Variants in ATAD5 observed in about 807,000 individuals in gnomAD.
The protein encoded by ATAD5 is ATPase family AAA domain-containing protein 5.
A neutral mutation model predicts 176.9 loss-of-function variants in ATAD5; 58 were observed. The ratio of observed to expected loss-of-function variants is 0.33; its 90% CI spans 0.27 to 0.41. The LOEUF (loss-of-function observed/expected upper bound fraction) is 0.41, where lower values mean the gene tolerates loss of function less well. Ranked by LOEUF, ATAD5 falls within the 10% of genes least tolerant of loss-of-function variation. The pLI, the probability that ATAD5 is intolerant of heterozygous loss-of-function variation, is 1.00. For missense variants in ATAD5, 1,789 were observed against 2,094.1 expected (o/e 0.85, Z 2.84); for synonymous variants, 640 against 712.6 (o/e 0.90, Z 1.62).
chr17:30,850,869 A>ATTT (rs58433358), intron 6 of ATAD5, among the ~76,000 whole-genome samples: 6 of 14,770 alleles, frequency 4.1e-4, no homozygotes, highest in Non-Finnish European at 6.0e-4. Context: ...ATATATATAT[A>ATTT]TTTTTTTTTT....
At position 30,834,580 on chromosome 17, in the gene ATAD5, G is replaced by C; in HGVS notation, c.499G>C (p.Val167Leu). Residue 167 changes from valine to leucine, a missense_variant, in exon 2 of 23, where the codon GTA becomes CTA. By Grantham distance (32) the Val-to-Leu change is conservative. Coordinates refer to ENST00000321990, the MANE Select transcript of ATAD5 (RefSeq NM_024857.5). The part of the protein sequence containing the change: ...SVLRYKKQVE[V>L]LAENIQDTKS... ...TTTACGTTACAAGAAACAAGTAGAG[G>C]TACTTGCAGAAAACATTCAAGATAC... The C allele has an allele frequency of 6.2e-7, 1 of 1,609,236 alleles. No individual in the cohort carries two copies. The highest frequency in any genetic ancestry group is 8.5e-7 in the Non-Finnish European group (1 of 1,178,908).
Position 30,834,164 on chromosome 17 carries a change from A to C in ATAD5, c.83A>C (p.Lys28Thr), listed in dbSNP as rs1012314089. Residue 28 changes from lysine (K) to threonine (T), a missense_variant, in exon 2 of 23, where the codon AAG (lysine) becomes ACG (threonine). By Grantham distance (78) the Lys-to-Thr change is moderately conservative. This residue lies in a region of ATAD5 where 696 missense variants were observed against 712.5 expected (regional missense o/e 0.98). Transcript: ENST00000321990. Reference protein sequence around the residue: ...DCEIEPCKKRKKDDDTSTCKT... With the variant: ...DCEIEPCKKRTKDDDTSTCKT... ...AATTGCCAGCCATGCAAAAAGCGAAAGAAAGATGATGACACATCTACCTGC... is the reference window on the plus strand; with the variant it reads ...AATTGCCAGCCATGCAAAAAGCGAACGAAAGATGATGACACATCTACCTGC... 1 of 1,553,542 alleles carries C rather than the reference A, an allele frequency of 6.4e-7. No homozygotes were observed. Among genetic ancestry groups the C allele is most frequent in the Non-Finnish European group, 8.7e-7 (1 of 1,155,886 alleles).
In ATAD5 at chr17:30,895,863, TAA is replaced by T. The variant is rs1017200140; in HGVS notation, c.*955_*956del. On this transcript the variant is annotated 3_prime_UTR_variant, in exon 23 of 23. Transcript: ENST00000321990. ...AAAGCTAAAGGCTTTATGAAATGTTTAAAAAAGAGTTCAGATGTAATCATCTT... is the reference window on the plus strand; with the variant it reads ...AAAGCTAAAGGCTTTATGAAATGTTTAAAAGAGTTCAGATGTAATCATCTT... 1.3e-5 allele frequency: 2 copies of T among 152,144 alleles called. No homozygotes were observed. The highest frequency in any genetic ancestry group is 2.4e-5 in the African/African-American group (1 of 41,436). 9.4% of individuals were successfully genotyped at this position (152,144 alleles called of 1,614,324 possible). A position where few individuals can be genotyped will look rare whatever the true frequency, so the allele number is the denominator to read the frequency against.
At chr17:30,878,748 T>TTTTTTTG (rs1908836173) in intron 17 of ATAD5, among the ~76,000 whole-genome samples, 1 of 133,630 alleles carries the variant, frequency 7.5e-6, no homozygotes, top group African/African-American at 3.2e-5. Flanking sequence ...TTTTTTTTTT[T>TTTTTTTG]GGAGACAGAG....
At chr17:30,837,711 A>C (rs1369953734) in intron 3 of ATAD5, among the ~76,000 whole-genome samples, 3 of 152,210 alleles carry the variant, frequency 2.0e-5, no homozygotes, top group Non-Finnish European at 4.4e-5. Context: ...AGCATCAGCT[A>C]TGCAGTGTCT....
intron 9 of ATAD5, among the ~76,000 whole-genome samples, chr17:30,859,719 T>TGTTTTCATGGCTCCC (rs1907499510): frequency 8.2e-6 from 1 of 122,012 alleles, no homozygotes; most frequent in Non-Finnish European, 1.8e-5. Context: ...AGAATACAGT[T>TGTTTTCATGGCTCCC]TGTTTGTTTG....
chr17:30,870,055 A>C (rs1206021869), intron 14 of ATAD5, among the ~76,000 whole-genome samples: 1 of 152,122 alleles, frequency 6.6e-6, no homozygotes, highest in Non-Finnish European at 1.5e-5. Context: ...TTGAGGCTGC[A>C]GTGAGCTGTG....
chr17:30,873,893 A>G (rs938136881), intron 14 of ATAD5, among the ~76,000 whole-genome samples: 4 of 151,892 alleles, frequency 2.6e-5, no homozygotes, highest in Non-Finnish European at 5.9e-5. Context: ...TGGGCCGGGT[A>G]CAGTGGGTCA....
At chr17:30,894,526 G>A (rs1376944443) in intron 21 of ATAD5, 38 bp from the exon 22 acceptor site, 2 of 1,573,592 alleles carry the variant, frequency 1.3e-6, no homozygotes, top group Admixed American at 3.7e-5. Context: ...CATTTTTCTT[G>A]GGCATTAAAA....
At chr17:30,877,815 G>C (rs1176386573) in intron 16 of ATAD5, among the ~76,000 whole-genome samples, 188 bp from the exon 17 acceptor site, 1 of 152,112 alleles carries the variant, frequency 6.6e-6, no homozygotes, top group Non-Finnish European at 1.5e-5. Context: ...GGCTGCGTTT[G>C]TTTTTAACAT....
At chr17:30,870,642 C>T (rs1322244780) in intron 14 of ATAD5, among the ~76,000 whole-genome samples, 1 of 152,142 alleles carries the variant, frequency 6.6e-6, no homozygotes, top group East Asian at 1.9e-4. Context: ...AGTTTATAGG[C>T]ACCAGAAATG....
intron 18 of ATAD5, among the ~76,000 whole-genome samples, chr17:30,881,142 G>T (rs9891179): frequency 0.11 from 15,940 of 148,896 alleles, 950 homozygotes; most frequent in South Asian, 0.25. Context: ...ACATTGAGTT[G>T]CTGGGCATGG....
Position 30,893,335 on chromosome 17 carries a change from G to C in ATAD5, c.4482G>C (p.Gln1494His), listed in dbSNP as rs144318403. 5.7e-6 allele frequency: 9 copies of C among 1,586,616 alleles called. No homozygotes were observed. In the African/African-American group the frequency reaches 1.1e-4, roughly 19 times the overall value. Residue 1494 changes from glutamine to histidine, a missense_variant, in exon 21 of 23, where the codon CAG becomes CAC. This residue lies in a region of ATAD5 where 403 missense variants were observed against 495.1 expected (regional missense o/e 0.81). Transcript: ENST00000321990. The part of the protein sequence containing the change: ...TMKEEWHKFI[Q>H]LLTEFQMRNV... ...AGGAAGAATGGCATAAATTCATCCAGCTTCTTACAGAATTCCAAATGCGGA... is the reference window on the plus strand; with the variant it reads ...AGGAAGAATGGCATAAATTCATCCACCTTCTTACAGAATTCCAAATGCGGA...
At chr17:30,885,580 C>T (rs1240329684) in intron 18 of ATAD5, among the ~76,000 whole-genome samples, 1 of 147,716 alleles carries the variant, frequency 6.8e-6, no homozygotes, top group Admixed American at 6.8e-5. Flanking sequence ...CTTTTCATAC[C>T]TTCTTTTTAT....
At chr17:30,853,355 AT>A (rs1907087131) in intron 6 of ATAD5, among the ~76,000 whole-genome samples, 1 of 151,788 alleles carries the variant, frequency 6.6e-6, no homozygotes, top group African/African-American at 2.4e-5. Flanking sequence ...TAATATGTAT[AT>A]TTTTTATTAG....
chr17:30,875,965 G>A (rs531889544), intron 14 of ATAD5, among the ~76,000 whole-genome samples: 17 of 151,064 alleles, frequency 1.1e-4, no homozygotes, highest in Admixed American at 3.3e-4. Flanking sequence ...GTGAAACCCC[G>A]TCTCTACTAA....
intron 6 of ATAD5, among the ~76,000 whole-genome samples, chr17:30,853,365 A>G (rs1368540054): frequency 6.6e-6 from 1 of 151,934 alleles, no homozygotes; most frequent in African/African-American, 2.4e-5. Context: ...ATTTTTTATT[A>G]GTACCTTGTA....
chr17:30,892,937 A>C (rs2142458193), intron 20 of ATAD5, 149 bp downstream of exon 20: 4 of 696,912 alleles, frequency 5.7e-6, no homozygotes, highest in African/African-American at 3.7e-5. Flanking sequence ...ACATCCTACC[A>C]CTTTGACAAA....
At chr17:30,847,405 A>G (rs1464220261) in intron 6 of ATAD5, among the ~76,000 whole-genome samples, 1 of 151,856 alleles carries the variant, frequency 6.6e-6, no homozygotes, top group Non-Finnish European at 1.5e-5. Flanking sequence ...ATGTCCGCTC[A>G]CTGTAACCTC....
Sources: gnomAD v4.1 joint callset for allele counts (sites outside exome capture counted in the v4.1 genomes callset) on GRCh38, gnomAD v4.1.1 for gene constraint, gnomAD v4.1.1 regional missense constraint, MANE v1.5 for transcripts, NCBI Gene and HGNC (gene_info 2026-07-23, HGNC 2026-07-21) for gene names.